Variants in TRIML1 observed in about 807,000 individuals in gnomAD.
TRIML1 encodes tripartite motif family like 1, also known as probable E3 ubiquitin-protein ligase TRIML1.
In TRIML1, 34 loss-of-function variants were observed where a neutral mutation model predicts 32.3. The observed-to-expected ratio is 1.05, with a 90% CI of 0.80 to 1.40. The LOEUF (loss-of-function observed/expected upper bound fraction) is 1.40, where lower values mean the gene tolerates loss of function less well. TRIML1 is among the 40% of genes most tolerant of loss of function. The pLI, the probability that TRIML1 is intolerant of heterozygous loss-of-function variation, is 0.00. For synonymous variants in TRIML1, 244 were observed against 226.6 expected (o/e 1.08, Z -0.69); for missense variants, 595 against 574.9 (o/e 1.03, Z -0.36).
intron 5 of TRIML1, among the ~76,000 whole-genome samples, chr4:188,144,865 A>G (rs182435833): frequency 5.3e-5 from 8 of 152,280 alleles, no homozygotes; most frequent in African/African-American, 1.9e-4. Flanking sequence ...TAGTCCAGCC[A>G]ACACTGAGAG....
Position 188,139,687 on chromosome 4 carries a change from C to T in TRIML1, c.129C>T (p.Ser43=), listed in dbSNP as rs1186054690. ...HSFCLVCLLR[S]WEEHNTPLSC... is the part of the protein sequence containing the mutation. The stretch of plus-strand genomic sequence containing the variant: ...TTTGTCTGGTGTGTCTCCTCAGGAG[C>T]TGGGAGGAACATAACACACCTTTAT... Residue 43 remains serine (S), a synonymous_variant, in exon 1 of 6, where the codon AGC becomes AGT. Transcript: ENST00000332517. The T allele has an allele frequency of 6.2e-7, 1 of 1,613,960 alleles. No individual in the cohort carries two copies. Among genetic ancestry groups the T allele is most frequent in the Non-Finnish European group, 8.5e-7 (1 of 1,180,034 alleles).
chr4:188,140,281 C>T (rs562082801), intron 1 of TRIML1, among the ~76,000 whole-genome samples: 188 of 152,120 alleles, frequency 1.2e-3, no homozygotes, highest in South Asian at 0.011. Flanking sequence ...CCACCACGCC[C>T]GGCTAATTTT....
In TRIML1 at chr4:188,143,821, T is replaced by C; in HGVS notation, c.736-17T>C. 2 of 1,614,160 alleles carry C rather than the reference T, an allele frequency of 1.2e-6. No individual in the cohort carries two copies. Among genetic ancestry groups the C allele is most frequent in the Non-Finnish European group, 1.7e-6 (2 of 1,180,030 alleles). Reference sequence around the variant, plus strand: ...ATCAAAGCGCACCATGCTAACTTCTTTCTTTTTTACCCGTAGGAAGTGAGA... The same window carrying C: ...ATCAAAGCGCACCATGCTAACTTCTCTCTTTTTTACCCGTAGGAAGTGAGA... On this transcript the variant is annotated splice_polypyrimidine_tract_variant and intron_variant, in intron 3 of 5. Coordinates refer to ENST00000332517, the MANE Select transcript of TRIML1 (RefSeq NM_178556.5).
upstream of TRIML1, among the ~76,000 whole-genome samples, chr4:188,138,308 G>T (rs977409142): frequency 6.6e-6 from 1 of 152,116 alleles, no homozygotes; most frequent in African/African-American, 2.4e-5. Context: ...AGCAGTTGGA[G>T]CCTTGAAAGT....
rs760277730 is a variant in TRIML1 at position 188,142,327 on chromosome 4, CAGCTGCAACTCCAGCT to C, written c.582_597del (p.Gln194HisfsTer2). On this transcript the variant is annotated frameshift_variant, in exon 3 of 6. Coordinates refer to ENST00000332517, the MANE Select transcript of TRIML1 (RefSeq NM_178556.5). LOFTEE classifies it high-confidence loss of function. ...GCACCAGTTCCTGAAGGAAGAGGAG[CAGCTGCAACTCCAGCT>C]ACTAGAACAGGAAGAGAAAGAGAAC... 1.2e-6 allele frequency: 2 copies of C among 1,612,852 alleles called. No homozygotes were observed. Among genetic ancestry groups the C allele is most frequent in the South Asian group, 2.2e-5 (2 of 91,012 alleles).
At chr4:188,140,272 C>A (rs920364925) in intron 1 of TRIML1, among the ~76,000 whole-genome samples, 1 of 152,108 alleles carries the variant, frequency 6.6e-6, no homozygotes, top group Admixed American at 6.6e-5. Context: ...AGTCACCCAC[C>A]ACCACGCCCG....
chr4:188,148,546 T>G (rs753049896), downstream of TRIML1, among the ~76,000 whole-genome samples: 11 of 151,834 alleles, frequency 7.2e-5, no homozygotes, highest in Non-Finnish European at 1.5e-4. Flanking sequence ...TGAGGGGAGC[T>G]CTTTTGGCTG....
At chr4:188,149,572 A>G (rs11723187), downstream of TRIML1, among the ~76,000 whole-genome samples, 64,641 of 151,902 alleles carry the variant, frequency 0.43, 14,870 homozygotes, top group Admixed American at 0.57. Flanking sequence ...TTGCCACTCT[A>G]TACGTTTCAA....
chr4:188,149,350 G>T (rs28584134), downstream of TRIML1, among the ~76,000 whole-genome samples: 1 of 152,084 alleles, frequency 6.6e-6, no homozygotes, highest in African/African-American at 2.4e-5. Context: ...CAGTGGATAC[G>T]ATTTAACCAC....
At chr4:188,140,785 G>A (rs191516832) in intron 2 of TRIML1, 162 bp downstream of exon 2, 116 of 586,562 alleles carry the variant, frequency 2.0e-4, no homozygotes, top group African/African-American at 2.0e-3. Flanking sequence ...GAGCGTCCTC[G>A]TGGGAGTCTC....
intron 3 of TRIML1, 89 bp from the exon 4 acceptor site, chr4:188,143,749 T>G: frequency 1.3e-4 from 201 of 1,509,284 alleles, no homozygotes; most frequent in Middle Eastern, 3.4e-4. Context: ...GCAGATTCTG[T>G]GAGCTTTGCA....
chr4:188,139,856 A>G lies in TRIML1; in HGVS notation c.298A>G (p.Thr100Ala), dbSNP rs111308948. ...DEQGSYGRMP[T>A]TAKALSDDEQ... ...GCAGGGCAGCTACGGGAGGATGCCCACCACTGCCAAGGCGCTCTCCGATGA... is the reference window on the plus strand; with the variant it reads ...GCAGGGCAGCTACGGGAGGATGCCCGCCACTGCCAAGGCGCTCTCCGATGA... The change falls in exon 1 of 6, where the codon ACC becomes GCC. Residue 100 changes from threonine (T) to alanine (A), a missense_variant. Thr to Ala is a moderately conservative substitution (Grantham distance 58, BLOSUM62 0). Coordinates refer to ENST00000332517, the MANE Select transcript of TRIML1 (RefSeq NM_178556.5). 10,558 of 1,613,804 alleles carry G rather than the reference A, an allele frequency of 6.5e-3. 578 individuals are homozygous for G. The African/African-American group carries it at 0.12, about 19-fold the overall frequency.
chr4:188,144,471 T>C lies in TRIML1; in HGVS notation c.856+338T>C, dbSNP rs867492983. ...TCCGCTTCCCGGGTTCACGCCATTC[T>C]CCTGCCTCAGCCTCCCGAGTAGCTG... On this transcript the variant is annotated intron_variant, in intron 5 of 5. Transcript: ENST00000332517. Among the ~76,000 whole-genome samples the C allele has an allele frequency of 7.2e-3, 1,047 of 146,208 alleles. 18 individuals carry two copies. Among genetic ancestry groups the C allele is most frequent in the African/African-American group, 0.023 (927 of 39,832 alleles).
intron 2 of TRIML1, 94 bp downstream of exon 2, chr4:188,140,717 A>AT: frequency 1.1e-6 from 1 of 947,940 alleles, no homozygotes; most frequent in African/African-American, 1.7e-5. Context: ...AAAAAGACAA[A>AT]TTTTTCCAGT....
rs2111239445 is a variant in TRIML1, at chr4:188,147,060, G to A, written c.1095G>A (p.Lys365=). The A allele has an allele frequency of 6.2e-7, 1 of 1,613,364 alleles. No individual in the cohort carries two copies. The highest frequency in any genetic ancestry group is 2.2e-5 in the East Asian group (1 of 44,850). ...VGICKDSVSR[K]GNLPKPPGDL... Reference sequence around the variant, plus strand: ...TCTGCAAGGACTCTGTGAGCAGAAAGGGGAATCTCCCCAAGCCACCTGGGG... The same window carrying A: ...TCTGCAAGGACTCTGTGAGCAGAAAAGGGAATCTCCCCAAGCCACCTGGGG... Residue 365 remains lysine (K), a synonymous_variant, in exon 6 of 6, where the codon AAG becomes AAA. Coordinates refer to ENST00000332517, the MANE Select transcript of TRIML1 (RefSeq NM_178556.5).
chr4:188,143,429 T>A, intron 3 of TRIML1: 1 of 217,696 alleles, frequency 4.6e-6, no homozygotes, highest in South Asian at 6.8e-5. Context: ...TTCCACAGAG[T>A]GCTACTATTT....
At position 188,140,458 on chromosome 4, in the gene TRIML1, C is replaced by G. The variant is rs985870025; in HGVS notation, c.409-70C>G. 5.6e-6 allele frequency: 7 copies of G among 1,251,298 alleles called. No homozygotes were observed. In the African/African-American group the frequency reaches 8.8e-5, roughly 16 times the overall value. The allele number at this position is 1,251,298 out of a possible 1,614,324, so 77.5% of individuals were successfully genotyped here. On this transcript the variant is annotated intron_variant, in intron 1 of 5. Transcript: ENST00000332517. The stretch of plus-strand genomic sequence containing the variant: ...TTAGAGGCCTAGGACTGCGCAGTTA[C>G]TGGTCTTCAAAGCCCCTTCATGACC...
At chr4:188,140,077 G>C in intron 1 of TRIML1, 111 bp downstream of exon 1, 2 of 1,136,392 alleles carry the variant, frequency 1.8e-6, no homozygotes, top group South Asian at 3.3e-5. Context: ...GCCCATCTGA[G>C]CACCACATCA....
chr4:188,146,258 G>A lies in TRIML1; in HGVS notation c.857-564G>A, dbSNP rs115071036. On this transcript the variant is annotated intron_variant, in intron 5 of 5. Transcript: ENST00000332517. ...GCTCTAAAGATGTCCTGTGAACAGAGCGACGCCCATTCCACCCACAGGGAT... is the reference window on the plus strand; with the variant it reads ...GCTCTAAAGATGTCCTGTGAACAGAACGACGCCCATTCCACCCACAGGGAT... 3.8e-3 allele frequency among the ~76,000 whole-genome samples: 573 copies of A among 152,244 alleles called. 8 individuals are homozygous for A. Among genetic ancestry groups the A allele is most frequent in the African/African-American group, 0.013 (547 of 41,542 alleles).
Sources: allele counts gnomAD v4.1 joint callset (sites outside exome capture counted in the v4.1 genomes callset), GRCh38; gene constraint gnomAD v4.1.1; transcripts MANE v1.5; gene names NCBI Gene and HGNC (gene_info 2026-07-23, HGNC 2026-07-21).